DGKB: variants seen among roughly 807,000 people sequenced by gnomAD.
The protein encoded by DGKB is 90 kDa diacylglycerol kinase.
A neutral mutation model predicts 114.3 loss-of-function variants in DGKB; 67 were observed. That is an observed-to-expected ratio of 0.59 (90% CI 0.48 to 0.72). The LOEUF (loss-of-function observed/expected upper bound fraction) is 0.72, where lower values mean the gene tolerates loss of function less well. DGKB is among the 30% of genes least tolerant of loss of function. The probability of loss-of-function intolerance (pLI) is 0.00; values close to 1 mark genes in which losing one functional copy is unlikely to be tolerated. For missense variants in DGKB, 907 were observed against 975.2 expected (o/e 0.93, Z 0.93); for synonymous variants, 398 against 323.1 (o/e 1.23, Z -2.49).
intron 21 of DGKB, among the ~76,000 whole-genome samples, chr7:14,465,130 A>C (rs1354113409): frequency 6.6e-6 from 1 of 151,912 alleles, no homozygotes; most frequent in African/African-American, 2.4e-5. Context: ...AGCATATCGT[A>C]CTCCATTTTG....
intron 1 of DGKB, among the ~76,000 whole-genome samples, chr7:14,849,501 C>A (rs1849067743): frequency 6.6e-6 from 1 of 152,008 alleles, no homozygotes; most frequent in African/African-American, 2.4e-5. Flanking sequence ...GCAAGAAGGC[C>A]CTCACCAGAT....
intron 23 of DGKB, among the ~76,000 whole-genome samples, chr7:14,197,280 G>A (rs188570922): frequency 1.4e-3 from 208 of 151,848 alleles, no homozygotes; most frequent in African/African-American, 4.1e-3. Context: ...CTATTTAGTC[G>A]TATTCTTTTA....
At chr7:14,536,658 T>C (rs1319911890) in intron 20 of DGKB, among the ~76,000 whole-genome samples, 1 of 152,114 alleles carries the variant, frequency 6.6e-6, no homozygotes, top group African/African-American at 2.4e-5. Context: ...ATATATTAGA[T>C]ATAGAAGGAA....
At chr7:14,304,087 A>ACTCTCTCTCT (rs71846844) in intron 23 of DGKB, among the ~76,000 whole-genome samples, 37 of 110,122 alleles carry the variant, frequency 3.4e-4, no homozygotes, top group East Asian at 1.7e-3. Flanking sequence ...ACACACACAC[A>ACTCTCTCTCT]CTCTCTCTCT....
rs369769701 is a variant in DGKB at position 14,661,331 on chromosome 7, C to T, written c.1134+11598G>A. Among the ~76,000 whole-genome samples, 105 of 146,844 alleles carry T rather than the reference C, an allele frequency of 7.2e-4. 2 individuals are homozygous for T. The East Asian group carries it at 0.011, about 15-fold the overall frequency. On this transcript the variant is annotated intron_variant, in intron 13 of 25. Coordinates refer to ENST00000402815, the MANE Select transcript of DGKB (RefSeq NM_001350709.2). ...CTGACAAAGGGCTAATATCCAGAAT[C>T]TACAATGAACTCAAACAAATTTACA...
chr7:14,804,955 A>T (rs1842616349), intron 2 of DGKB, among the ~76,000 whole-genome samples: 1 of 151,990 alleles, frequency 6.6e-6, no homozygotes, highest in Non-Finnish European at 1.5e-5. Flanking sequence ...TTTAGTCATT[A>T]TATAATTATT....
At position 14,179,213 on chromosome 7, in the gene DGKB, T is replaced by G. The variant is rs141613602; in HGVS notation, c.2123-1062A>C. On this transcript the variant is annotated intron_variant, in intron 23 of 25. Transcript: ENST00000402815. ...TTCAGCCAGAAAGCAGAAGTTGAACTCACATCAATAGAATCCCACACAGTC... is the reference window on the plus strand; with the variant it reads ...TTCAGCCAGAAAGCAGAAGTTGAACGCACATCAATAGAATCCCACACAGTC... Among the ~76,000 whole-genome samples, 223 of 152,312 alleles carry G rather than the reference T, an allele frequency of 1.5e-3. 1 individual carries two copies. Among genetic ancestry groups the G allele is most frequent in the Middle Eastern group, 6.8e-3 (2 of 294 alleles).
At chr7:14,900,337 T>C (rs1782814276) in intron 1 of DGKB, among the ~76,000 whole-genome samples, 1 of 152,142 alleles carries the variant, frequency 6.6e-6, no homozygotes, top group Non-Finnish European at 1.5e-5. Flanking sequence ...TGGAGTTTGC[T>C]CTGGGCAAGT....
At chr7:14,901,811 T>C (rs1783123944) in intron 1 of DGKB, among the ~76,000 whole-genome samples, 1 of 152,316 alleles carries the variant, frequency 6.6e-6, no homozygotes, top group South Asian at 2.1e-4. Context: ...TTAAAAGAGT[T>C]GGTTATCTGC....
chr7:14,734,329 G>A (rs1354105719), intron 5 of DGKB, among the ~76,000 whole-genome samples: 1 of 151,938 alleles, frequency 6.6e-6, no homozygotes, highest in East Asian at 1.9e-4. Flanking sequence ...ATGATCCACC[G>A]TGTCCGGCCT....
chr7:14,667,427 CTTAAG>C (rs1818234938), intron 13 of DGKB, among the ~76,000 whole-genome samples: 1 of 151,976 alleles, frequency 6.6e-6, no homozygotes, highest in African/African-American at 2.4e-5. Context: ...AACTAGACAT[CTTAAG>C]TTCTCTAATA....
At chr7:14,281,760 T>G (rs967113230) in intron 23 of DGKB, among the ~76,000 whole-genome samples, 17 of 152,078 alleles carry the variant, frequency 1.1e-4, no homozygotes, top group Non-Finnish European at 2.1e-4. Context: ...CCTGAATGAC[T>G]GTTGGGTACA....
chr7:14,488,832 CA>C (rs1255877064), intron 20 of DGKB, among the ~76,000 whole-genome samples: 3 of 76,394 alleles, frequency 3.9e-5, no homozygotes, highest in Admixed American at 1.3e-4. Flanking sequence ...ACTCCGTCTC[CA>C]AAAAAAAACA....
At chr7:14,944,245 T>A (rs1218429669) in intron 1 of DGKB, among the ~76,000 whole-genome samples, 1 of 151,848 alleles carries the variant, frequency 6.6e-6, no homozygotes, top group Non-Finnish European at 1.5e-5. Context: ...GATCATAAAA[T>A]TAGTAAACGA....
chr7:14,213,287 G>A (rs754357506), intron 23 of DGKB, among the ~76,000 whole-genome samples: 1 of 151,738 alleles, frequency 6.6e-6, no homozygotes, highest in South Asian at 2.1e-4. Flanking sequence ...CATTTTTTCT[G>A]TTAACAATGC....
intron 1 of DGKB, among the ~76,000 whole-genome samples, chr7:14,960,623 G>T (rs1315368290): frequency 6.6e-6 from 1 of 152,010 alleles, no homozygotes; most frequent in African/African-American, 2.4e-5. Flanking sequence ...ATATAATTTT[G>T]TATAATGAAG....
intron 23 of DGKB, among the ~76,000 whole-genome samples, chr7:14,181,121 A>G (rs1782575102): frequency 6.6e-6 from 1 of 152,188 alleles, no homozygotes; most frequent in Admixed American, 6.5e-5. Context: ...AGTGCCCATC[A>G]ATTAGTCTTC....
chr7:14,151,247 A>AT (rs1782155222), intron 25 of DGKB, among the ~76,000 whole-genome samples: 1 of 152,054 alleles, frequency 6.6e-6, no homozygotes, highest in African/African-American at 2.4e-5. Context: ...GCATTAGGGC[A>AT]TTTTGGGAAA....
At position 14,803,667 on chromosome 7, in the gene DGKB, T is replaced by C. The variant is rs1316207758; in HGVS notation, c.70+37527A>G. Among the ~76,000 whole-genome samples, 3 of 114,398 alleles carry C rather than the reference T, an allele frequency of 2.6e-5. 1 individual carries two copies. Among genetic ancestry groups the C allele is most frequent in the African/African-American group, 1.7e-4 (3 of 17,350 alleles). 75.0% of individuals were successfully genotyped at this position (114,398 alleles called of 152,430 possible). On this transcript the variant is annotated intron_variant, in intron 2 of 25. Transcript: ENST00000402815. ...AATGTAATTTATTTCTGCCACCTGT[T>C]GTGTATGCGTTTTGGTCTACTAAGA...
Sources: allele counts gnomAD v4.1 joint callset (sites outside exome capture counted in the v4.1 genomes callset), GRCh38; gene constraint gnomAD v4.1.1; transcripts MANE v1.5; gene names NCBI Gene and HGNC (gene_info 2026-07-23, HGNC 2026-07-21).